MSRB3: variants seen among roughly 807,000 people sequenced by gnomAD.
MSRB3 encodes methionine-R-sulfoxide reductase B3.
A neutral mutation model predicts 21.0 loss-of-function variants in MSRB3; 13 were observed. The observed-to-expected ratio is 0.62, with a 90% CI of 0.40 to 0.98. The LOEUF (loss-of-function observed/expected upper bound fraction) is 0.98. Ranked by LOEUF, MSRB3 falls within the 50% of genes least tolerant of loss-of-function variation. The pLI, the probability that MSRB3 is intolerant of heterozygous loss-of-function variation, is 0.00. For missense variants in MSRB3, 199 were observed against 230.3 expected (o/e 0.86, Z 0.88); for synonymous variants, 87 against 88.6 (o/e 0.98, Z 0.10).
At chr12:65,413,990 C>G (rs1046228148) in intron 5 of MSRB3, among the ~76,000 whole-genome samples, 2 of 152,040 alleles carry the variant, frequency 1.3e-5, no homozygotes, top group Admixed American at 6.6e-5. Flanking sequence ...TTAAGAAGAA[C>G]AGAGAAGCAG....
intron 5 of MSRB3, among the ~76,000 whole-genome samples, chr12:65,396,704 A>AAG (rs775199611): frequency 4.2e-4 from 23 of 54,130 alleles, no homozygotes; most frequent in African/African-American, 1.4e-3. Flanking sequence ...AAAAAAAAAA[A>AAG]AAAGAAAGAA....
At chr12:65,394,408 A>T (rs1247346380) in intron 5 of MSRB3, among the ~76,000 whole-genome samples, 1 of 152,216 alleles carries the variant, frequency 6.6e-6, no homozygotes, top group Non-Finnish European at 1.5e-5. Flanking sequence ...AATAGGATAT[A>T]CTTGTAACTG....
chr12:65,292,695 A>G (rs902406483), intron 1 of MSRB3, among the ~76,000 whole-genome samples: 9 of 151,986 alleles, frequency 5.9e-5, no homozygotes, highest in Non-Finnish European at 1.2e-4. Context: ...CCAGTTCTCA[A>G]TCCTGAGCAG....
At chr12:65,437,063 G>A (rs1045072880) in intron 5 of MSRB3, among the ~76,000 whole-genome samples, 1 of 151,900 alleles carries the variant, frequency 6.6e-6, no homozygotes. Flanking sequence ...AGATGGTCCT[G>A]TGTGTGGCCT....
At chr12:65,385,566 A>G (rs895219332) in intron 5 of MSRB3, among the ~76,000 whole-genome samples, 2 of 151,968 alleles carry the variant, frequency 1.3e-5, no homozygotes, top group Non-Finnish European at 2.9e-5. Flanking sequence ...AATTTTCATT[A>G]TTTCTAAATT....
intron 1 of MSRB3, among the ~76,000 whole-genome samples, chr12:65,288,432 G>T (rs758719123): frequency 2.0e-5 from 3 of 151,406 alleles, no homozygotes; most frequent in Admixed American, 6.6e-5. Context: ...AAAATATTTT[G>T]TTCAAGTTGA....
chr12:65,383,809 G>A (rs993459233), intron 5 of MSRB3, among the ~76,000 whole-genome samples: 4 of 152,072 alleles, frequency 2.6e-5, no homozygotes, highest in African/African-American at 9.6e-5. Flanking sequence ...ATAGGCATGT[G>A]CCCCCACACC....
intron 2 of MSRB3, among the ~76,000 whole-genome samples, chr12:65,315,380 A>G (rs1874225298): frequency 6.6e-6 from 1 of 152,154 alleles, no homozygotes; most frequent in Admixed American, 6.5e-5. Context: ...TATAAAAAAT[A>G]CACCATGAGG....
At chr12:65,296,252 T>C (rs1196128756) in intron 1 of MSRB3, among the ~76,000 whole-genome samples, 1 of 152,218 alleles carries the variant, frequency 6.6e-6, no homozygotes, top group Non-Finnish European at 1.5e-5. Context: ...AATCACCTCA[T>C]TCTTTCCCTG....
chr12:65,369,933 C>T (rs1358439067), intron 5 of MSRB3, among the ~76,000 whole-genome samples: 1 of 152,114 alleles, frequency 6.6e-6, no homozygotes, highest in Non-Finnish European at 1.5e-5. Flanking sequence ...GGAACAAGTG[C>T]TATATATTCC....
At chr12:65,386,809 G>A (rs1450252559) in intron 5 of MSRB3, among the ~76,000 whole-genome samples, 1 of 151,906 alleles carries the variant, frequency 6.6e-6, no homozygotes, top group Non-Finnish European at 1.5e-5. Flanking sequence ...TTATTACCAT[G>A]TCTGGATACT....
chr12:65,347,724 G>A (rs919530790), intron 4 of MSRB3, among the ~76,000 whole-genome samples: 7 of 152,120 alleles, frequency 4.6e-5, no homozygotes, highest in Admixed American at 1.3e-4. Flanking sequence ...CTGTGGGTTT[G>A]TCATAGATAA....
chr12:65,408,659 A>G (rs949113290), intron 5 of MSRB3, among the ~76,000 whole-genome samples: 2 of 152,132 alleles, frequency 1.3e-5, no homozygotes, highest in African/African-American at 4.8e-5. Context: ...TCCGACTTTC[A>G]GTGAGCCTGC....
At chr12:65,415,273 T>C in intron 5 of MSRB3, among the ~76,000 whole-genome samples, 1 of 152,206 alleles carries the variant, frequency 6.6e-6, no homozygotes. Flanking sequence ...AGTGAGGTCA[T>C]TGCAATTTTA....
intron 5 of MSRB3, among the ~76,000 whole-genome samples, chr12:65,402,297 G>A (rs927490134): frequency 3.3e-5 from 5 of 152,112 alleles, no homozygotes; most frequent in African/African-American, 1.2e-4. Flanking sequence ...TTTCTTGGAG[G>A]CTTTGATCAT....
At chr12:65,385,043 T>A (rs79735682) in intron 5 of MSRB3, among the ~76,000 whole-genome samples, 2,736 of 152,250 alleles carry the variant, frequency 0.018, 90 homozygotes, top group African/African-American at 0.063. Context: ...CTAGAGGAAG[T>A]CTTTTTAATC....
intron 5 of MSRB3, among the ~76,000 whole-genome samples, chr12:65,401,374 A>G (rs1479404566): frequency 6.6e-6 from 1 of 152,106 alleles, no homozygotes; most frequent in African/African-American, 2.4e-5. Context: ...ATGCCCTTCT[A>G]TGTATCTTTC....
intron 2 of MSRB3, among the ~76,000 whole-genome samples, chr12:65,324,524 G>A (rs74099822): frequency 3.0e-4 from 45 of 152,142 alleles, no homozygotes; most frequent in African/African-American, 9.9e-4. Flanking sequence ...AAGCTTTTAT[G>A]TTTGTATTAT....
chr12:65,323,232 G>C (rs1874800571), intron 2 of MSRB3, among the ~76,000 whole-genome samples: 6 of 152,188 alleles, frequency 3.9e-5, no homozygotes, highest in Admixed American at 3.9e-4. Flanking sequence ...GTTGCTGTAC[G>C]TTTATTTGTA....
Sources: gnomAD v4.1 joint callset for allele counts (sites outside exome capture counted in the v4.1 genomes callset) on GRCh38, gnomAD v4.1.1 for gene constraint, MANE v1.5 for transcripts, NCBI Gene and HGNC (gene_info 2026-07-23, HGNC 2026-07-21) for gene names.